Variants in LTC4S observed in about 807,000 individuals in gnomAD.
The protein encoded by LTC4S is leukotriene C4 synthase.
A neutral mutation model predicts 19.6 loss-of-function variants in LTC4S; 18 were observed. The ratio of observed to expected loss-of-function variants is 0.92; its 90% CI spans 0.64 to 1.36. The LOEUF (loss-of-function observed/expected upper bound fraction) is 1.36, where lower values mean the gene tolerates loss of function less well. LTC4S is among the 40% of genes most tolerant of loss of function. The pLI, the probability that LTC4S is intolerant of heterozygous loss-of-function variation, is 0.00. For missense variants in LTC4S, 235 were observed against 212.2 expected (o/e 1.11, Z -0.67); for synonymous variants, 126 against 110.1 (o/e 1.14, Z -0.91).
chr5:179,794,299 G>C lies in LTC4S; in HGVS notation c.58+161G>C, dbSNP rs61330504. 5.0e-3 allele frequency among the ~76,000 whole-genome samples: 765 copies of C among 152,324 alleles called. 7 individuals carry two copies. The highest frequency in any genetic ancestry group is 0.018 in the African/African-American group (730 of 41,572). On this transcript the variant is annotated intron_variant, in intron 1 of 4. Coordinates refer to ENST00000292596, the MANE Select transcript of LTC4S (RefSeq NM_145867.2). ...GGAACTGGGGGGCACCTGGCTGTGA[G>C]AGCTGTAGGACTTGGGGGTGGCAAG...
At position 179,796,274 on chromosome 5, in the gene LTC4S, C is replaced by T. The variant is rs1413514504; in HGVS notation, c.333C>T (p.Ser111=). The change falls in exon 5 of 5, where the codon AGC becomes AGT. Residue 111 remains serine, a synonymous_variant. Coordinates refer to ENST00000292596, the MANE Select transcript of LTC4S (RefSeq NM_145867.2). ...AQLRLAPLYA[S]ARALWLLVAL... ...GCAGGCTGGCACCGCTGTACGCGAG[C>T]GCGCGCGCCCTCTGGCTGCTGGTGG... 4.1e-6 allele frequency: 6 copies of T among 1,464,862 alleles called. No individual in the cohort carries two copies. In the African/African-American group the frequency reaches 5.9e-5, roughly 14 times the overall value. 90.7% of individuals were successfully genotyped at this position (1,464,862 alleles called of 1,614,324 possible).
Position 179,796,336 on chromosome 5 carries a change from CGGCCG to C in LTC4S, c.396_400del (p.Leu135ArgfsTer49). ...CTCGGCCTGCTCGCCCACTTCCTCC[CGGCCG>C]CGCTGCGCGCCGCGCTCCTCGGACG... is the stretch of plus-strand genomic sequence containing the variant. On this transcript the variant is annotated frameshift_variant, in exon 5 of 5. Coordinates refer to ENST00000292596, the MANE Select transcript of LTC4S (RefSeq NM_145867.2). LOFTEE classifies it high-confidence loss of function. The C allele has an allele frequency of 6.7e-7, 1 of 1,489,232 alleles. No homozygotes were observed. Among genetic ancestry groups the C allele is most frequent in the Non-Finnish European group, 8.9e-7 (1 of 1,127,334 alleles). 92.3% of individuals were successfully genotyped at this position (1,489,232 alleles called of 1,614,324 possible). A position where few individuals can be genotyped will look rare whatever the true frequency, so the allele number is the denominator to read the frequency against.
intron 1 of LTC4S, 96 bp downstream of exon 1, chr5:179,794,234 C>G (rs999884860): frequency 2.6e-5 from 38 of 1,468,666 alleles, no homozygotes; most frequent in Middle Eastern, 3.7e-4. Context: ...GGTGGGGACT[C>G]CAGCCCAGGC....
intron 2 of LTC4S, 31 bp from the exon 3 acceptor site, chr5:179,795,755 C>T (rs1361940728): frequency 1.9e-6 from 3 of 1,570,338 alleles, no homozygotes; most frequent in African/African-American, 2.7e-5. Flanking sequence ...ACCATCCCGG[C>T]CGGCGCGCTC....
rs776802617 is a variant in LTC4S, at chr5:179,795,931, C to G, written c.230-10C>G. 1.3e-6 allele frequency: 2 copies of G among 1,573,352 alleles called. No homozygotes were observed. Among genetic ancestry groups the G allele is most frequent in the Admixed American group, 1.8e-5 (1 of 56,582 alleles). ...AGGGCGCTCACCAGGCCCGTGCGTA[C>G]CTCTCGCAGGGGCGGCGGCCCTGTG... On this transcript the variant is annotated splice_polypyrimidine_tract_variant and intron_variant, in intron 3 of 4. Coordinates refer to ENST00000292596, the MANE Select transcript of LTC4S (RefSeq NM_145867.2).
At position 179,795,707 on chromosome 5, in the gene LTC4S, G is replaced by A. The variant is rs774827080; in HGVS notation, c.158+24G>A. On this transcript the variant is annotated intron_variant, in intron 2 of 4. Coordinates refer to ENST00000292596, the MANE Select transcript of LTC4S (RefSeq NM_145867.2). Reference sequence around the variant, plus strand: ...CAGTGAGGCGCGGCGGGAGGGCGCGGGGCGGGGAGCGAGCCCCAGGCGGGT... The same window carrying A: ...CAGTGAGGCGCGGCGGGAGGGCGCGAGGCGGGGAGCGAGCCCCAGGCGGGT... The A allele has an allele frequency of 3.2e-6, 5 of 1,574,002 alleles. No homozygotes were observed. In the African/African-American group the frequency reaches 6.8e-5, roughly 21 times the overall value.
At chr5:179,794,408 C>T (rs1194616509) in intron 1 of LTC4S, among the ~76,000 whole-genome samples, 3 of 152,172 alleles carry the variant, frequency 2.0e-5, no homozygotes, top group Non-Finnish European at 4.4e-5. Flanking sequence ...CTGGGCGTCC[C>T]AGCAAGCGGC....
Position 179,796,335 on chromosome 5 carries a change from C to T in LTC4S, c.394C>T (p.Pro132Ser). The change falls in exon 5 of 5, where the codon CCG (proline) becomes TCG (serine). Residue 132 changes from proline to serine, a missense_variant. Transcript: ENST00000292596. The stretch of plus-strand genomic sequence containing the variant: ...GCTCGGCCTGCTCGCCCACTTCCTC[C>T]CGGCCGCGCTGCGCGCCGCGCTCCT... ...AALGLLAHFLPAALRAALLGR... is the reference protein window; with the variant it reads ...AALGLLAHFLSAALRAALLGR... The T allele has an allele frequency of 2.7e-6, 4 of 1,488,660 alleles. No homozygotes were observed. The highest frequency in any genetic ancestry group is 3.5e-6 in the Non-Finnish European group (4 of 1,127,042). 92.2% of individuals were successfully genotyped at this position (1,488,660 alleles called of 1,614,324 possible).
In LTC4S at chr5:179,795,983, T is replaced by C. The variant is rs1434442271; in HGVS notation, c.272T>C (p.Leu91Pro). The change falls in exon 4 of 5, where the codon CTC becomes CCC. Residue 91 changes from leucine to proline, a missense_variant. Transcript: ENST00000292596. ...GGCCTGGTCTACCTGTTCGCGCGCCTCCGCTACTTCCAGGGCTACGCGCGC... is the reference window on the plus strand; with the variant it reads ...GGCCTGGTCTACCTGTTCGCGCGCCCCCGCTACTTCCAGGGCTACGCGCGC... ...LCGLVYLFARLRYFQGYARSA... is the reference protein window; with the variant it reads ...LCGLVYLFARPRYFQGYARSA... 1.3e-6 allele frequency: 2 copies of C among 1,536,608 alleles called. No individual in the cohort carries two copies. The highest frequency in any genetic ancestry group is 1.7e-6 in the Non-Finnish European group (2 of 1,147,480).
At position 179,796,424 on chromosome 5, in the gene LTC4S, G is replaced by C. The variant is rs901171238; in HGVS notation, c.*30G>C. 4.1e-6 allele frequency: 6 copies of C among 1,473,684 alleles called. No individual in the cohort carries two copies. Among genetic ancestry groups the C allele is most frequent in the African/African-American group, 2.9e-5 (2 of 68,124 alleles). 91.3% of individuals were successfully genotyped at this position (1,473,684 alleles called of 1,614,324 possible). The stretch of plus-strand genomic sequence containing the variant: ...AAGGCCCCCGGGCCGACGGAGCCGG[G>C]AAAGAAGAGCCGGAGCCTCCAGCTG... On this transcript the variant is annotated 3_prime_UTR_variant, in exon 5 of 5. Coordinates refer to ENST00000292596, the MANE Select transcript of LTC4S (RefSeq NM_145867.2).
At position 179,796,165 on chromosome 5, in the gene LTC4S, G is replaced by A. The variant is rs1006579016; in HGVS notation, c.312-88G>A. 2.0e-4 allele frequency: 255 copies of A among 1,271,436 alleles called. 1 individual carries two copies. The highest frequency in any genetic ancestry group is 2.4e-4 in the Non-Finnish European group (235 of 970,608). The allele number at this position is 1,271,436 out of a possible 1,614,324, so 78.8% of individuals were successfully genotyped here. ...GATTCGGTGGGCGAGCCCTGGCGGC[G>A]GCCAGAGGAAGTCCCCGTGGGGCCA... On this transcript the variant is annotated intron_variant, in intron 4 of 4. Coordinates refer to ENST00000292596, the MANE Select transcript of LTC4S (RefSeq NM_145867.2).
At chr5:179,794,199 C>T (rs1450569898) in intron 1 of LTC4S, 61 bp downstream of exon 1, 5 of 1,603,108 alleles carry the variant, frequency 3.1e-6, no homozygotes, top group Non-Finnish European at 4.3e-6. Flanking sequence ...TGCCCTCTGC[C>T]CCCTAGGCCC....
At chr5:179,796,222 G>T in intron 4 of LTC4S, 31 bp from the exon 5 acceptor site, 1 of 1,424,832 alleles carries the variant, frequency 7.0e-7, no homozygotes, top group Non-Finnish European at 9.2e-7. Flanking sequence ...GGGCCTCCTC[G>T]CGCCACCTCC....
chr5:179,796,230 TC>T, intron 4 of LTC4S, 22 bp from the exon 5 acceptor site: 1 of 1,441,316 alleles, frequency 6.9e-7, no homozygotes, highest in Non-Finnish European at 9.1e-7. Context: ...TCGCGCCACC[TC>T]CCCGCTGACC....
Position 179,795,567 on chromosome 5 carries a change from TC to T in LTC4S, c.59-12del. ...TCGGGTGTCCAGACCTGACTCCCGC[TC>T]CCCCTCCTCCCCCAGCCTACTTCTC... On this transcript the variant is annotated splice_polypyrimidine_tract_variant and intron_variant, in intron 1 of 4. Coordinates refer to ENST00000292596, the MANE Select transcript of LTC4S (RefSeq NM_145867.2). 1 of 1,599,088 alleles carries T rather than the reference TC, an allele frequency of 6.3e-7. No individual in the cohort carries two copies. The highest frequency in any genetic ancestry group is 8.5e-7 in the Non-Finnish European group (1 of 1,172,808).
At chr5:179,795,486 C>A in intron 1 of LTC4S, 98 bp from the exon 2 acceptor site, 2 of 1,527,624 alleles carry the variant, frequency 1.3e-6, no homozygotes, top group Non-Finnish European at 1.8e-6. Context: ...GAGGAGAGGA[C>A]ACGGCCAAGT....
Position 179,795,925 on chromosome 5 carries a change from T to C in LTC4S, c.230-16T>C. On this transcript the variant is annotated splice_polypyrimidine_tract_variant and intron_variant, in intron 3 of 4. Coordinates refer to ENST00000292596, the MANE Select transcript of LTC4S (RefSeq NM_145867.2). The stretch of plus-strand genomic sequence containing the variant: ...CCGCGCAGGGCGCTCACCAGGCCCG[T>C]GCGTACCTCTCGCAGGGGCGGCGGC... 1.9e-6 allele frequency: 3 copies of C among 1,576,676 alleles called. No individual in the cohort carries two copies. The highest frequency in any genetic ancestry group is 2.6e-6 in the Non-Finnish European group (3 of 1,165,946).
In LTC4S at chr5:179,795,577, C is replaced by T. The variant is rs781363298; in HGVS notation, c.59-7C>T. On this transcript the variant is annotated splice_region_variant and splice_polypyrimidine_tract_variant and intron_variant, in intron 1 of 4. Coordinates refer to ENST00000292596, the MANE Select transcript of LTC4S (RefSeq NM_145867.2). ...AGACCTGACTCCCGCTCCCCCTCCT[C>T]CCCCAGCCTACTTCTCCCTGCAGGT... 1 of 1,606,508 alleles carries T rather than the reference C, an allele frequency of 6.2e-7. No homozygotes were observed. Among genetic ancestry groups the T allele is most frequent in the Non-Finnish European group, 8.5e-7 (1 of 1,177,366 alleles).
In LTC4S at chr5:179,795,930, A is replaced by G. The variant is rs28365145; in HGVS notation, c.230-11A>G. On this transcript the variant is annotated splice_polypyrimidine_tract_variant and intron_variant, in intron 3 of 4. Coordinates refer to ENST00000292596, the MANE Select transcript of LTC4S (RefSeq NM_145867.2). ...CAGGGCGCTCACCAGGCCCGTGCGT[A>G]CCTCTCGCAGGGGCGGCGGCCCTGT... The G allele has an allele frequency of 1.9e-6, 3 of 1,572,692 alleles. No individual in the cohort carries two copies. Among genetic ancestry groups the G allele is most frequent in the Non-Finnish European group, 2.6e-6 (3 of 1,164,204 alleles).
Sources: allele counts gnomAD v4.1 joint callset (sites outside exome capture counted in the v4.1 genomes callset), GRCh38; gene constraint gnomAD v4.1.1; transcripts MANE v1.5; gene names NCBI Gene and HGNC (gene_info 2026-07-23, HGNC 2026-07-21).